TASP1: variants seen among roughly 807,000 people sequenced by gnomAD.
TASP1 encodes taspase 1.
TASP1 carries 16 observed loss-of-function variants against 56.6 expected under a neutral mutation model. The ratio of observed to expected loss-of-function variants is 0.28; its 90% CI spans 0.19 to 0.43. TASP1 has a LOEUF of 0.43. Among genes scored for constraint, TASP1 ranks in the 20% least tolerant of loss-of-function variants. The pLI, the probability that TASP1 is intolerant of heterozygous loss-of-function variation, is 1.00. For missense variants in TASP1, 393 were observed against 511.6 expected, an observed-to-expected ratio of 0.77 and a Z score of 2.24; for synonymous variants, 179 against 184.2, an observed-to-expected ratio of 0.97 and a Z score of 0.23.
chr20:13,547,488 G>T (rs1187476378), intron 8 of TASP1, among the ~76,000 whole-genome samples: 3 of 152,172 alleles, frequency 2.0e-5, no homozygotes, highest in Non-Finnish European at 4.4e-5. Context: ...AGAAAAAAAG[G>T]TAATTCCAGA....
the TASP1 span, among the ~76,000 whole-genome samples, chr20:13,352,958 C>T: frequency 8.5e-5 from 13 of 152,244 alleles, no homozygotes; most frequent in South Asian, 4.1e-4. Context: ...TTCCCTGGAG[C>T]GGGCAAGGTG....
At chr20:13,139,604 G>C in the TASP1 span, among the ~76,000 whole-genome samples, 1 of 152,114 alleles carries the variant, frequency 6.6e-6, no homozygotes, top group African/African-American at 2.4e-5. Context: ...TTGCATTTCT[G>C]CCCACATTCC....
intron 13 of TASP1, among the ~76,000 whole-genome samples, chr20:13,391,619 G>A (rs2041282214): frequency 6.6e-6 from 1 of 151,964 alleles, no homozygotes; most frequent in African/African-American, 2.4e-5. Flanking sequence ...ATAAACAGTG[G>A]GAGCCGTTTA....
chr20:13,126,233 C>A, the TASP1 span, among the ~76,000 whole-genome samples: 2 of 152,184 alleles, frequency 1.3e-5, no homozygotes, highest in Non-Finnish European at 2.9e-5. Flanking sequence ...AGGGCAAGGA[C>A]CACATCCTGT....
chr20:13,182,499 T>A, the TASP1 span, among the ~76,000 whole-genome samples: 1 of 152,274 alleles, frequency 6.6e-6, no homozygotes, highest in South Asian at 2.1e-4. Flanking sequence ...CTGTTTTTAC[T>A]CTTCTGTCAT....
intron 8 of TASP1, among the ~76,000 whole-genome samples, chr20:13,551,466 G>C (rs1401135706): frequency 1.3e-5 from 2 of 151,520 alleles, no homozygotes; most frequent in Non-Finnish European, 2.9e-5. Flanking sequence ...AAAATGAAGA[G>C]AAAGGAAAAA....
chr20:13,250,217 A>C, the TASP1 span, among the ~76,000 whole-genome samples: 2 of 152,154 alleles, frequency 1.3e-5, no homozygotes, highest in East Asian at 3.9e-4. Flanking sequence ...TAGGTTTCAA[A>C]TATTTTATAC....
chr20:13,318,863 G>C, the TASP1 span, among the ~76,000 whole-genome samples: 1 of 152,206 alleles, frequency 6.6e-6, no homozygotes, highest in Non-Finnish European at 1.5e-5. Flanking sequence ...TGGTTGCCAG[G>C]GGTTGAGAAG....
chr20:13,275,193 TTAAGACGGACTTAAAAA>T, the TASP1 span, among the ~76,000 whole-genome samples: 1 of 150,940 alleles, frequency 6.6e-6, no homozygotes, highest in Non-Finnish European at 1.5e-5. Flanking sequence ...TTTTCTCCCA[TTAAGACGGACTTAAAAA>T]TAGTCATGTA....
the TASP1 span, among the ~76,000 whole-genome samples, chr20:13,298,046 C>G: frequency 6.6e-6 from 1 of 151,786 alleles, no homozygotes; most frequent in African/African-American, 2.4e-5. Context: ...TCCTTTGGGG[C>G]CTTTTCCATC....
chr20:13,288,655 G>A, the TASP1 span: 2 of 1,613,872 alleles, frequency 1.2e-6, no homozygotes, highest in African/African-American at 1.3e-5. Context: ...CAACAGAATC[G>A]AGGACCTGTG....
chr20:13,450,869 T>C (rs765782685), intron 11 of TASP1, among the ~76,000 whole-genome samples: 1 of 152,124 alleles, frequency 6.6e-6, no homozygotes, highest in African/African-American at 2.4e-5. Context: ...CAAATCCTGA[T>C]GGAGAAGGTT....
chr20:13,333,279 G>A, the TASP1 span, among the ~76,000 whole-genome samples: 2 of 152,162 alleles, frequency 1.3e-5, no homozygotes, highest in African/African-American at 2.4e-5. Flanking sequence ...GGAAATCTGT[G>A]GAATCAAGTG....
At chr20:13,361,006 G>C in the TASP1 span, among the ~76,000 whole-genome samples, 2 of 152,050 alleles carry the variant, frequency 1.3e-5, no homozygotes, top group Non-Finnish European at 2.9e-5. Flanking sequence ...CCACTAGCCC[G>C]CCTCTTAGAA....
intron 1 of TASP1, among the ~76,000 whole-genome samples, chr20:13,635,683 C>A (rs191904220): frequency 1.3e-5 from 2 of 152,210 alleles, no homozygotes; most frequent in East Asian, 3.9e-4. Flanking sequence ...CCACCACTCC[C>A]GGCCAACCTT....
chr20:13,221,536 G>T, the TASP1 span, among the ~76,000 whole-genome samples: 1 of 144,452 alleles, frequency 6.9e-6, no homozygotes, highest in South Asian at 2.1e-4. Flanking sequence ...CCGGCCTCGC[G>T]GTGGCTCCGC....
chr20:13,285,694 C>T, the TASP1 span, among the ~76,000 whole-genome samples: 10 of 152,086 alleles, frequency 6.6e-5, no homozygotes, highest in African/African-American at 1.4e-4. Flanking sequence ...TAGCCAAGGG[C>T]GTGGATTTGG....
chr20:13,577,162 A>G (rs1280147107), intron 6 of TASP1, among the ~76,000 whole-genome samples: 2 of 152,146 alleles, frequency 1.3e-5, no homozygotes, highest in South Asian at 4.1e-4. Context: ...AACAAGGAGT[A>G]CATGTTAAAT....
the TASP1 span, among the ~76,000 whole-genome samples, chr20:13,286,366 A>G: frequency 6.6e-6 from 1 of 152,056 alleles, no homozygotes; most frequent in Non-Finnish European, 1.5e-5. Flanking sequence ...TTCTCCATCC[A>G]GAAGCAACTT....
Sources: gnomAD v4.1 joint callset for allele counts (sites outside exome capture counted in the v4.1 genomes callset) on GRCh38, gnomAD v4.1.1 for gene constraint, MANE v1.5 for transcripts, NCBI Gene and HGNC (gene_info 2026-07-23, HGNC 2026-07-21) for gene names.